The following CDH12 variants were observed in gnomAD, a reference collection of about 807,000 sequenced individuals.
The protein encoded by CDH12 is cadherin 12.
In CDH12, 41 loss-of-function variants were observed where a neutral mutation model predicts 74.1. The ratio of observed to expected loss-of-function variants is 0.55; its 90% CI spans 0.43 to 0.72. The LOEUF is 0.72. CDH12 is among the 30% of genes least tolerant of loss of function. CDH12 has a pLI of 0.00. For synonymous variants in CDH12, 399 were observed against 355.0 expected (o/e 1.12, Z -1.39); for missense variants, 945 against 977.2 (o/e 0.97, Z 0.44).
intron 5 of CDH12, among the ~76,000 whole-genome samples, chr5:21,981,894 A>C (rs1056113671): frequency 1.3e-5 from 2 of 152,126 alleles, no homozygotes; most frequent in Non-Finnish European, 2.9e-5. Flanking sequence ...GGCTGGTCTC[A>C]AACTTCTGGG....
intron 3 of CDH12, among the ~76,000 whole-genome samples, chr5:22,233,266 C>T (rs1752449888): frequency 6.6e-6 from 1 of 150,434 alleles, no homozygotes; most frequent in South Asian, 2.1e-4. Context: ...TGAGTTTTTC[C>T]AAAATAAACT....
At chr5:22,078,065 G>C (rs1742453202) in intron 5 of CDH12, among the ~76,000 whole-genome samples, 1 of 151,944 alleles carries the variant, frequency 6.6e-6, no homozygotes, top group African/African-American at 2.4e-5. Flanking sequence ...GTCTCTTATT[G>C]CTAAATATCT....
At position 22,700,166 on chromosome 5, in the gene CDH12, C is replaced by CA. The variant is rs1029613529; in HGVS notation, c.-523+152891dup. The stretch of plus-strand genomic sequence containing the variant: ...TGGGTGAAAAAGTGAGACTCTGTCT[C>CA]AAAAAAAAAAATATTAACCTGGATA... On this transcript the variant is annotated intron_variant, in intron 1 of 14. Transcript: ENST00000382254. Among the ~76,000 whole-genome samples, 822 of 145,904 alleles carry CA rather than the reference C, an allele frequency of 5.6e-3. 10 individuals are homozygous for CA. The highest frequency in any genetic ancestry group is 0.018 in the African/African-American group (713 of 40,062).
At chr5:22,083,365 G>A (rs567454426) in intron 4 of CDH12, among the ~76,000 whole-genome samples, 3 of 152,142 alleles carry the variant, frequency 2.0e-5, no homozygotes, top group Admixed American at 6.6e-5. Flanking sequence ...TATTAGGAGT[G>A]TACTCATGTG....
At chr5:21,884,130 G>A (rs1302308132) in intron 6 of CDH12, 1 of 1,498,380 alleles carries the variant, frequency 6.7e-7, no homozygotes, top group Non-Finnish European at 9.3e-7. Flanking sequence ...TATGAATATG[G>A]TAGAAAAAGG....
At position 22,722,503 on chromosome 5, in the gene CDH12, A is replaced by G. The variant is rs571220210; in HGVS notation, c.-523+130555T>C. On this transcript the variant is annotated intron_variant, in intron 1 of 14. Coordinates refer to ENST00000382254, the MANE Select transcript of CDH12 (RefSeq NM_004061.5). ...TTATATATTCAATTATAACTATGAT[A>G]AATAACTATGATAAAATGTGCATAA... is the stretch of plus-strand genomic sequence containing the variant. Among the ~76,000 whole-genome samples the G allele has an allele frequency of 6.0e-4, 91 of 152,350 alleles. 1 individual carries two copies. The South Asian group carries it at 0.018, about 30-fold the overall frequency.
At chr5:21,828,146 G>A (rs1294799207) in intron 8 of CDH12, among the ~76,000 whole-genome samples, 2 of 145,940 alleles carry the variant, frequency 1.4e-5, no homozygotes, top group Non-Finnish European at 3.0e-5. Context: ...TTTTTGAGAT[G>A]GAGTCTCACT....
intron 1 of CDH12, among the ~76,000 whole-genome samples, chr5:22,667,046 C>T (rs1740661423): frequency 6.6e-6 from 1 of 152,140 alleles, no homozygotes; most frequent in Admixed American, 6.5e-5. Context: ...TATCAGGATC[C>T]TTGCACACAT....
chr5:22,612,753 T>C (rs528037617), intron 1 of CDH12, among the ~76,000 whole-genome samples: 151 of 152,228 alleles, frequency 9.9e-4, no homozygotes, highest in African/African-American at 3.4e-3. Flanking sequence ...TTTTTAGCCC[T>C]TCTCCCCTGC....
At chr5:21,754,872 AGAGTTCAT>A (rs1413261337) in intron 14 of CDH12, among the ~76,000 whole-genome samples, 1 of 152,240 alleles carries the variant, frequency 6.6e-6, no homozygotes, top group East Asian at 1.9e-4. Context: ...GAAGCTGAAC[AGAGTTCAT>A]GGAAGAGGGA....
At chr5:22,199,310 G>T (rs1228959504) in intron 4 of CDH12, among the ~76,000 whole-genome samples, 1 of 152,162 alleles carries the variant, frequency 6.6e-6, no homozygotes, top group African/African-American at 2.4e-5. Context: ...TAGTCATGAG[G>T]GTTAGATAAC....
At chr5:21,930,227 T>C (rs189674308) in intron 6 of CDH12, among the ~76,000 whole-genome samples, 343 of 152,296 alleles carry the variant, frequency 2.3e-3, no homozygotes, top group Middle Eastern at 6.8e-3. Context: ...TTGAAAAAGA[T>C]TGATTGGTAA....
chr5:22,292,106 C>T (rs1040611936), intron 3 of CDH12, among the ~76,000 whole-genome samples: 1 of 151,940 alleles, frequency 6.6e-6, no homozygotes, highest in Non-Finnish European at 1.5e-5. Flanking sequence ...ACTATGGGGA[C>T]AATCTCTCAA....
In CDH12 at chr5:22,507,580, C is replaced by T. The variant is rs1376290980; in HGVS notation, c.-522-2216G>A. Reference sequence around the variant, plus strand: ...ATTCTGATAACTAATAAAGGCTTCCCTGTCAAACAAAATCTTTAGGTTTAA... The same window carrying T: ...ATTCTGATAACTAATAAAGGCTTCCTTGTCAAACAAAATCTTTAGGTTTAA... On this transcript the variant is annotated intron_variant, in intron 1 of 14. Transcript: ENST00000382254. Among the ~76,000 whole-genome samples, 7 of 152,114 alleles carry T rather than the reference C, an allele frequency of 4.6e-5. No individual in the cohort carries two copies. In the South Asian group the frequency reaches 1.0e-3, roughly 22 times the overall value.
intron 6 of CDH12, among the ~76,000 whole-genome samples, chr5:21,855,921 T>C (rs577497313): frequency 6.6e-6 from 1 of 151,796 alleles, no homozygotes; most frequent in Admixed American, 6.6e-5. Flanking sequence ...GTGACAAGAG[T>C]AAGAAACAAT....
chr5:21,907,495 G>T (rs917325565), intron 6 of CDH12, among the ~76,000 whole-genome samples: 1 of 152,186 alleles, frequency 6.6e-6, no homozygotes, highest in African/African-American at 2.4e-5. Flanking sequence ...TCTGTATCAT[G>T]CCATGGAAGC....
chr5:22,311,059 G>T (rs935752764), intron 3 of CDH12, among the ~76,000 whole-genome samples: 3 of 151,892 alleles, frequency 2.0e-5, no homozygotes, highest in Non-Finnish European at 4.4e-5. Context: ...TTTACTTTAT[G>T]TTATTTTGTC....
chr5:22,713,890 T>A (rs1044592382), intron 1 of CDH12, among the ~76,000 whole-genome samples: 7 of 152,210 alleles, frequency 4.6e-5, no homozygotes, highest in Admixed American at 4.6e-4. Flanking sequence ...TACCAATGTA[T>A]CACTGAGTTT....
intron 1 of CDH12, among the ~76,000 whole-genome samples, chr5:22,823,346 C>T (rs1209662323): frequency 4.6e-5 from 7 of 151,810 alleles, no homozygotes; most frequent in African/African-American, 1.7e-4. Context: ...AACAAACCTG[C>T]ACATTGTGCA....
Sources: gnomAD v4.1 joint callset for allele counts (sites outside exome capture counted in the v4.1 genomes callset) on GRCh38, gnomAD v4.1.1 for gene constraint, MANE v1.5 for transcripts, NCBI Gene and HGNC (gene_info 2026-07-23, HGNC 2026-07-21) for gene names.